Variants in LRRC1 observed in about 807,000 individuals in gnomAD.
LRRC1 encodes leucine-rich repeat-containing protein 1.
Under a neutral mutation model 69.9 loss-of-function variants are expected in LRRC1, and 28 were observed. That is an observed-to-expected ratio of 0.40 (90% CI 0.30 to 0.55). The LOEUF (loss-of-function observed/expected upper bound fraction) is 0.55, where lower values mean the gene tolerates loss of function less well. LRRC1 is among the 20% of genes least tolerant of loss of function. The probability of loss-of-function intolerance (pLI) is 0.47; values close to 1 mark genes in which losing one functional copy is unlikely to be tolerated. For missense variants in LRRC1, 498 were observed against 609.0 expected (o/e 0.82, Z 1.92); for synonymous variants, 236 against 240.2 (o/e 0.98, Z 0.16).
chr6:53,824,577 A>G (rs1765205368), intron 1 of LRRC1, among the ~76,000 whole-genome samples: 1 of 152,118 alleles, frequency 6.6e-6, no homozygotes, highest in South Asian at 2.1e-4. Context: ...CTGTGTCCAC[A>G]ATGGTATTGC....
chr6:53,873,539 T>G (rs569467013), intron 2 of LRRC1, among the ~76,000 whole-genome samples: 17 of 152,024 alleles, frequency 1.1e-4, no homozygotes, highest in African/African-American at 3.9e-4. Flanking sequence ...GACCCCGTGA[T>G]CTGCCCGCCT....
chr6:53,822,340 G>C (rs1363652251), intron 1 of LRRC1, among the ~76,000 whole-genome samples: 1 of 152,196 alleles, frequency 6.6e-6, no homozygotes, highest in African/African-American at 2.4e-5. Flanking sequence ...GCCAGAGAAA[G>C]TACATTTTAA....
chr6:53,906,870 A>G (rs981810918), intron 10 of LRRC1, among the ~76,000 whole-genome samples: 7 of 152,180 alleles, frequency 4.6e-5, no homozygotes, highest in African/African-American at 1.7e-4. Context: ...TAGGAGTTGG[A>G]TCTTTTCTAG....
chr6:53,883,318 A>G (rs1275271536), intron 4 of LRRC1, among the ~76,000 whole-genome samples: 1 of 152,246 alleles, frequency 6.6e-6, no homozygotes, highest in East Asian at 1.9e-4. Flanking sequence ...ACAACCACTC[A>G]GTAATTTTAA....
At chr6:53,883,616 C>G (rs1049842829) in intron 4 of LRRC1, among the ~76,000 whole-genome samples, 6 of 152,222 alleles carry the variant, frequency 3.9e-5, no homozygotes, top group Admixed American at 3.9e-4. Context: ...CACAGACGAA[C>G]TAGTTGAATT....
intron 2 of LRRC1, among the ~76,000 whole-genome samples, chr6:53,876,112 A>G (rs1271581429): frequency 2.0e-5 from 3 of 152,168 alleles, no homozygotes; most frequent in Admixed American, 2.0e-4. Context: ...TCACAGTTCC[A>G]TCTGACTAGG....
intron 2 of LRRC1, among the ~76,000 whole-genome samples, chr6:53,873,872 T>C (rs1766980150): frequency 6.6e-6 from 1 of 152,192 alleles, no homozygotes; most frequent in South Asian, 2.1e-4. Flanking sequence ...TGATGTTCAT[T>C]GTGGGTTTGT....
At chr6:53,885,885 A>G (rs1767458066) in intron 4 of LRRC1, among the ~76,000 whole-genome samples, 1 of 152,174 alleles carries the variant, frequency 6.6e-6, no homozygotes, top group Admixed American at 6.5e-5. Flanking sequence ...GAACTGGACT[A>G]CGGCTCTCCA....
chr6:53,858,699 T>C (rs922235117), intron 2 of LRRC1, among the ~76,000 whole-genome samples: 2 of 152,228 alleles, frequency 1.3e-5, no homozygotes, highest in African/African-American at 4.8e-5. Flanking sequence ...TTGTCACTTT[T>C]TGATTTGTAG....
At chr6:53,838,805 C>T (rs1321979621) in intron 1 of LRRC1, among the ~76,000 whole-genome samples, 1 of 152,160 alleles carries the variant, frequency 6.6e-6, no homozygotes, top group Non-Finnish European at 1.5e-5. Flanking sequence ...GCACTTTCCT[C>T]ATCATCTTGT....
At chr6:53,841,630 T>G (rs1484845134) in intron 1 of LRRC1, among the ~76,000 whole-genome samples, 1 of 152,186 alleles carries the variant, frequency 6.6e-6, no homozygotes, top group Non-Finnish European at 1.5e-5. Flanking sequence ...TGGTCAAAAA[T>G]ATATTTTTTG....
chr6:53,863,923 T>C (rs1766612827), intron 2 of LRRC1, among the ~76,000 whole-genome samples: 1 of 151,204 alleles, frequency 6.6e-6, no homozygotes. Context: ...AAAACCTTTC[T>C]CTCCACTTCT....
intron 4 of LRRC1, among the ~76,000 whole-genome samples, chr6:53,888,854 A>G (rs1767580195): frequency 6.6e-6 from 1 of 152,226 alleles, no homozygotes; most frequent in African/African-American, 2.4e-5. Flanking sequence ...AAAAATGGAT[A>G]AATTGGACTG....
In LRRC1 at chr6:53,824,712, A is replaced by G. The variant is rs575724050; in HGVS notation, c.160-17398A>G. Among the ~76,000 whole-genome samples, 13 of 152,326 alleles carry G rather than the reference A, an allele frequency of 8.5e-5. No individual in the cohort carries two copies. In the East Asian group the frequency reaches 2.3e-3, roughly 27 times the overall value. ...GCTAGTTAATTATAGGCCAAAATGC[A>G]TATCAGGTGCTGTTATCTAAGAACC... On this transcript the variant is annotated intron_variant, in intron 1 of 13. Transcript: ENST00000370888.
intron 4 of LRRC1, among the ~76,000 whole-genome samples, chr6:53,887,003 G>A (rs1189821388): frequency 2.0e-5 from 3 of 152,130 alleles, no homozygotes; most frequent in Non-Finnish European, 2.9e-5. Context: ...ACAAATACAC[G>A]TGACAAGGTA....
chr6:53,815,203 C>T (rs771329301), intron 1 of LRRC1, among the ~76,000 whole-genome samples: 1 of 152,110 alleles, frequency 6.6e-6, no homozygotes, highest in Non-Finnish European at 1.5e-5. Context: ...CTGATGCTGA[C>T]GGTCCTGGGG....
At chr6:53,817,520 A>G (rs1764985387) in intron 1 of LRRC1, among the ~76,000 whole-genome samples, 2 of 152,292 alleles carry the variant, frequency 1.3e-5, no homozygotes, top group South Asian at 4.1e-4. Context: ...ATGCTGTGCA[A>G]CTGACCTAAA....
intron 2 of LRRC1, among the ~76,000 whole-genome samples, chr6:53,860,057 G>C (rs183161958): frequency 1.2e-3 from 189 of 152,288 alleles, no homozygotes; most frequent in Non-Finnish European, 1.8e-3. Flanking sequence ...GTGCCTATGA[G>C]AATTGCTTTA....
At chr6:53,798,275 C>T (rs1764360086) in intron 1 of LRRC1, among the ~76,000 whole-genome samples, 1 of 152,242 alleles carries the variant, frequency 6.6e-6, no homozygotes, top group Non-Finnish European at 1.5e-5. Flanking sequence ...CTACTTCTCC[C>T]CCATACCCGC....
Sources: allele counts gnomAD v4.1 joint callset (sites outside exome capture counted in the v4.1 genomes callset), GRCh38; gene constraint gnomAD v4.1.1; transcripts MANE v1.5; gene names NCBI Gene and HGNC (gene_info 2026-07-23, HGNC 2026-07-21).